Variants in SMC5 observed in about 807,000 individuals in gnomAD.
SMC5 encodes the protein structural maintenance of chromosomes 5.
A neutral mutation model predicts 148.3 loss-of-function variants in SMC5; 88 were observed. That is an observed-to-expected ratio of 0.59 (90% confidence interval 0.50 to 0.71). The LOEUF is 0.71. Among genes scored for constraint, SMC5 ranks in the 30% least tolerant of loss-of-function variants. The probability of loss-of-function intolerance (pLI) is 0.00; values close to 1 mark genes in which losing one functional copy is unlikely to be tolerated. For synonymous variants in SMC5, 421 were observed against 432.8 expected (o/e 0.97, Z 0.34); for missense variants, 1,142 against 1,298.9 (o/e 0.88, Z 1.86).
chr9:70,328,226 C>T (rs1361667418), intron 17 of SMC5, among the ~76,000 whole-genome samples: 4 of 152,154 alleles, frequency 2.6e-5, no homozygotes, highest in African/African-American at 9.7e-5. Context: ...CAATCATGCC[C>T]TCCCAGCAGT....
chr9:70,278,400 C>G, intron 4 of SMC5, 91 bp from the exon 5 acceptor site: 4 of 1,267,830 alleles, frequency 3.2e-6, no homozygotes, highest in Non-Finnish European at 4.4e-6. Context: ...TAATGAGTTT[C>G]ACCTTGACAA....
chr9:70,308,571 G>A (rs1250404805), intron 11 of SMC5, among the ~76,000 whole-genome samples: 1 of 140,520 alleles, frequency 7.1e-6, no homozygotes, highest in Non-Finnish European at 1.5e-5. Context: ...CTCCAGCCTG[G>A]GCGACAGAGA....
At chr9:70,261,438 G>A (rs2034130146) in intron 1 of SMC5, among the ~76,000 whole-genome samples, 1 of 152,174 alleles carries the variant, frequency 6.6e-6, no homozygotes, top group African/African-American at 2.4e-5. Flanking sequence ...GGAAAGGGAG[G>A]AATGCAGCAT....
At chr9:70,276,540 T>A (rs2034596823) in intron 3 of SMC5, among the ~76,000 whole-genome samples, 1 of 152,218 alleles carries the variant, frequency 6.6e-6, no homozygotes, top group African/African-American at 2.4e-5. Context: ...TTTAAAGTCA[T>A]AAAGTCTTAC....
chr9:70,263,369 C>A (rs924434831), intron 1 of SMC5, among the ~76,000 whole-genome samples: 2 of 152,176 alleles, frequency 1.3e-5, no homozygotes, highest in African/African-American at 4.8e-5. Context: ...CCCGACATTT[C>A]AAAATCATTA....
At chr9:70,328,243 A>G (rs560084588) in intron 17 of SMC5, among the ~76,000 whole-genome samples, 1 of 152,092 alleles carries the variant, frequency 6.6e-6, no homozygotes, top group Non-Finnish European at 1.5e-5. Flanking sequence ...CAGTCCCCCA[A>G]AGTCTTAACT....
At chr9:70,263,233 CTT>C (rs2117946566) in intron 1 of SMC5, among the ~76,000 whole-genome samples, 1 of 152,270 alleles carries the variant, frequency 6.6e-6, no homozygotes, top group East Asian at 1.9e-4. Flanking sequence ...ATAAAGGGCT[CTT>C]TTGAAACCCA....
rs1477251748 is a variant in SMC5 at position 70,259,093 on chromosome 9, C to G, written c.15C>G (p.Ser5Arg). 4 of 1,607,802 alleles carry G rather than the reference C, an allele frequency of 2.5e-6. No homozygotes were observed. In the South Asian group the frequency reaches 4.4e-5, roughly 18 times the overall value. Reference sequence around the variant, plus strand: ...AGGAAGCCAGGATGGCGACTCCGAGCAAGAAGACGTCAACTCCAAGCCCCC... The same window carrying G: ...AGGAAGCCAGGATGGCGACTCCGAGGAAGAAGACGTCAACTCCAAGCCCCC... The part of the protein sequence containing the change: MATP[S>R]KKTSTPSPQP... Residue 5 changes from serine (S) to arginine (R), a missense_variant, in exon 1 of 25, where the codon AGC becomes AGG. By Grantham distance (110) the Ser-to-Arg change is moderately radical (BLOSUM62 -1). Coordinates refer to ENST00000361138, the MANE Select transcript of SMC5 (RefSeq NM_015110.4).
chr9:70,340,131 G>C (rs2036479860), intron 17 of SMC5, among the ~76,000 whole-genome samples: 4 of 152,012 alleles, frequency 2.6e-5, no homozygotes. Context: ...TAAAAGTGTA[G>C]ATTTACATCA....
chr9:70,300,315 C>T, intron 10 of SMC5, 115 bp downstream of exon 10: 11 of 889,870 alleles, frequency 1.2e-5, no homozygotes, highest in Non-Finnish European at 1.6e-5. Context: ...AGACTTGTGG[C>T]ATCTGGCATA....
At chr9:70,277,820 T>A (rs1158515349) in intron 4 of SMC5, among the ~76,000 whole-genome samples, 1 of 152,000 alleles carries the variant, frequency 6.6e-6, no homozygotes, top group Non-Finnish European at 1.5e-5. Context: ...ATACATATAT[T>A]TGAGTCTACA....
rs760985267 is a variant in SMC5, at chr9:70,280,741, A to G, written c.679-18A>G. 6.3e-7 allele frequency: 1 copy of G among 1,593,858 alleles called. No individual in the cohort carries two copies. Among genetic ancestry groups the G allele is most frequent in the Non-Finnish European group, 8.5e-7 (1 of 1,173,586 alleles). On this transcript the variant is annotated intron_variant, in intron 5 of 24. Transcript: ENST00000361138. ...ATTTTTTCTGTCAAACTGATTGTTC[A>G]ACATATATTTATTGTAGACCTCATG...
chr9:70,299,734 G>A (rs566375604), intron 9 of SMC5, among the ~76,000 whole-genome samples: 44 of 151,586 alleles, frequency 2.9e-4, no homozygotes, highest in Admixed American at 1.8e-3. Context: ...AATTTTGAAG[G>A]CCTATTGCTG....
chr9:70,311,444 A>G (rs2035654554), intron 11 of SMC5: 2 of 152,216 alleles, frequency 1.3e-5, no homozygotes. Flanking sequence ...ATCAAAGATC[A>G]TAGATCACTA....
chr9:70,295,402 C>T (rs530120813), intron 8 of SMC5, among the ~76,000 whole-genome samples: 27 of 147,180 alleles, frequency 1.8e-4, no homozygotes, highest in Non-Finnish European at 3.1e-4. Context: ...ACCCAGGAGG[C>T]GGAGCTTGCA....
Position 70,264,301 on chromosome 9 carries a change from C to G in SMC5, c.186-3C>G. The G allele has an allele frequency of 1.9e-6, 3 of 1,610,000 alleles. No individual in the cohort carries two copies. The highest frequency in any genetic ancestry group is 2.2e-5 in the South Asian group (2 of 90,272). ...TTAATAATTTCATCTCTTTATAATT[C>G]AGAACATATGATATTTGTGAAGTAT... On this transcript the variant is annotated splice_polypyrimidine_tract_variant and splice_region_variant and intron_variant, in intron 1 of 24. Coordinates refer to ENST00000361138, the MANE Select transcript of SMC5 (RefSeq NM_015110.4).
chr9:70,278,946 G>A (rs1475875992), intron 5 of SMC5, among the ~76,000 whole-genome samples: 1 of 152,106 alleles, frequency 6.6e-6, no homozygotes. Context: ...CCTACTATGT[G>A]CCAGGCACTG....
chr9:70,267,722 T>C (rs544873760), intron 2 of SMC5, among the ~76,000 whole-genome samples: 1 of 152,290 alleles, frequency 6.6e-6, no homozygotes, highest in Non-Finnish European at 1.5e-5. Context: ...TCTTACCTAA[T>C]ATTATTATTG....
intron 7 of SMC5, 26 bp from the exon 8 acceptor site, chr9:70,286,174 C>G: frequency 7.2e-7 from 1 of 1,389,998 alleles, no homozygotes; most frequent in Non-Finnish European, 1.0e-6. Flanking sequence ...TAGCTGTCCC[C>G]CCCTCTCCCC....
Sources: allele counts gnomAD v4.1 joint callset (sites outside exome capture counted in the v4.1 genomes callset), GRCh38; gene constraint gnomAD v4.1.1; transcripts MANE v1.5; gene names NCBI Gene and HGNC (gene_info 2026-07-23, HGNC 2026-07-21).